Variants in SNAPC4 observed in about 807,000 individuals in gnomAD.
SNAPC4 encodes small nuclear RNA activating complex polypeptide 4, also known as snRNA-activating protein complex subunit 4.
SNAPC4 carries 127 observed loss-of-function variants against 151.3 expected under a neutral mutation model. That is an observed-to-expected ratio of 0.84 (90% confidence interval 0.73 to 0.97). The LOEUF is 0.97. Ranked by LOEUF, SNAPC4 falls within the 50% of genes least tolerant of loss-of-function variation. The pLI is 0.00. For missense variants in SNAPC4, 2,186 were observed against 1,935.0 expected, an observed-to-expected ratio of 1.13 and a Z score of -2.43; for synonymous variants, 1,002 against 824.4, an observed-to-expected ratio of 1.22 and a Z score of -3.69.
rs1427561007 is a variant in SNAPC4, at chr9:136,392,711, C to G, written c.699G>C (p.Lys233Asn). The part of the protein sequence containing the change: ...SSELERQALE[K>N]QGREAEKEIQ... ...TCTCCTTCTCGGCTTCCCTGCCCTG[C>G]TTCTCCAGGGCTTGCCTCTCCAGCT... The change falls in exon 8 of 24, where the codon AAG becomes AAC. Residue 233 changes from lysine to asparagine, a missense_variant. Lys to Asn is a moderately conservative substitution (Grantham distance 94, BLOSUM62 0). Transcript: ENST00000684778. The G allele has an allele frequency of 3.1e-6, 5 of 1,613,770 alleles. No individual in the cohort carries two copies. The South Asian group carries it at 5.5e-5, about 18-fold the overall frequency.
Position 136,378,723 on chromosome 9 carries a change from T to C in SNAPC4, c.3104A>G (p.Gln1035Arg). ...QSQAPAASRK[Q>R]GLPEAPPFLP... ...AAAGGGTGGCGCCTCAGGCAGGCCCTGCTTCCGGGATGCAGCGGGGGCCTG... is the reference window on the plus strand; with the variant it reads ...AAAGGGTGGCGCCTCAGGCAGGCCCCGCTTCCGGGATGCAGCGGGGGCCTG... Residue 1035 changes from glutamine to arginine, a missense_variant, in exon 22 of 24, where the codon CAG becomes CGG. Coordinates refer to ENST00000684778, the MANE Select transcript of SNAPC4 (RefSeq NM_003086.4). 6.6e-7 allele frequency: 1 copy of C among 1,505,678 alleles called. No homozygotes were observed. The highest frequency in any genetic ancestry group is 8.9e-7 in the Non-Finnish European group (1 of 1,127,228). The allele number at this position is 1,505,678 out of a possible 1,614,324, so 93.3% of individuals were successfully genotyped here.
At chr9:136,398,579 C>T (rs989597174) in intron 1 of SNAPC4, 142 bp from the exon 2 acceptor site, 7 of 912,258 alleles carry the variant, frequency 7.7e-6, no homozygotes, top group East Asian at 7.4e-5. Flanking sequence ...GATTAATAGG[C>T]CAGGCACAGA....
rs780520555 is a variant in SNAPC4 at position 136,387,451 on chromosome 9, G to A, written c.1325+34C>T. ...AGTGCACCTGGTCAGTGACCCACAC[G>A]GGCCCCTCCCTCGCTCAGCGCTGTG... On this transcript the variant is annotated intron_variant, in intron 13 of 23. Transcript: ENST00000684778. 38 of 1,464,100 alleles carry A rather than the reference G, an allele frequency of 2.6e-5. No individual in the cohort carries two copies. In the East Asian group the frequency reaches 7.5e-4, roughly 29 times the overall value. 90.7% of individuals were successfully genotyped at this position (1,464,100 alleles called of 1,614,324 possible). A position where few individuals can be genotyped will look rare whatever the true frequency, so the allele number is the denominator to read the frequency against.
chr9:136,395,128 C>CGCAGA (rs1469725201), intron 5 of SNAPC4, among the ~76,000 whole-genome samples, 170 bp downstream of exon 5: 1 of 152,248 alleles, frequency 6.6e-6, no homozygotes, highest in South Asian at 2.1e-4. Flanking sequence ...GGCAGCCCAG[C>CGCAGA]GCAGAGCAGA....
intron 5 of SNAPC4, 110 bp downstream of exon 5, chr9:136,395,188 G>A (rs377622799): frequency 2.1e-6 from 3 of 1,401,708 alleles, no homozygotes; most frequent in Non-Finnish European, 9.8e-7. Flanking sequence ...GTTGGCCAAT[G>A]TTATCTTGAA....
In SNAPC4 at chr9:136,378,958, C is replaced by T. The variant is rs575245185; in HGVS notation, c.2869G>A (p.Ala957Thr). Residue 957 changes from alanine to threonine, a missense_variant, in exon 22 of 24, where the codon GCC becomes ACC. Transcript: ENST00000684778. Reference protein sequence around the residue: ...VLNVPLSGPGAPAAAKPGTSG... With the variant: ...VLNVPLSGPGTPAAAKPGTSG... ...GTGCCAGGTTTGGCTGCCGCGGGGGCCCCAGGCCCAGAGAGCGGTACATTT... is the reference window on the plus strand; with the variant it reads ...GTGCCAGGTTTGGCTGCCGCGGGGGTCCCAGGCCCAGAGAGCGGTACATTT... 2 of 1,608,736 alleles carry T rather than the reference C, an allele frequency of 1.2e-6. No homozygotes were observed. The highest frequency in any genetic ancestry group is 1.7e-6 in the Non-Finnish European group (2 of 1,178,592).
chr9:136,399,793 C>A (rs1354682140), intron 1 of SNAPC4, among the ~76,000 whole-genome samples: 1 of 152,214 alleles, frequency 6.6e-6, no homozygotes, highest in Non-Finnish European at 1.5e-5. Context: ...CTGCTCGCTG[C>A]GTGAACTGGG....
At position 136,379,167 on chromosome 9, in the gene SNAPC4, CG is replaced by C; in HGVS notation, c.2659del (p.Arg887GlyfsTer41). On this transcript the variant is annotated frameshift_variant, in exon 22 of 24. Coordinates refer to ENST00000684778, the MANE Select transcript of SNAPC4 (RefSeq NM_003086.4). LOFTEE classifies it high-confidence loss of function. Reference protein sequence around the residue: ...QASLLASTGPRPKPKTVSELL... With the variant: ...QASLLASTGPXPKPKTVSELL... ...CTCCGACACAGTCTTGGGCTTGGGC[CG>C]GGGGCCGGTTGAAGCCAGCAGGGAC... 1.3e-6 allele frequency: 2 copies of C among 1,590,606 alleles called. No homozygotes were observed. The highest frequency in any genetic ancestry group is 1.1e-5 in the South Asian group (1 of 88,412).
chr9:136,383,088 C>A lies in SNAPC4; in HGVS notation c.1983+98G>T. ...AGTAGCACGTTCTGATGCACACGAA[C>A]CCTGGGGCCCCTGCTGCTGCACTAT... On this transcript the variant is annotated intron_variant, in intron 16 of 23. Coordinates refer to ENST00000684778, the MANE Select transcript of SNAPC4 (RefSeq NM_003086.4). The surrounding 1 kb of genome is among the most constrained non-coding windows in gnomAD (Gnocchi z 4.2). 1 of 1,456,776 alleles carries A rather than the reference C, an allele frequency of 6.9e-7. No individual in the cohort carries two copies. Among genetic ancestry groups the A allele is most frequent in the Non-Finnish European group, 9.0e-7 (1 of 1,108,464 alleles). The allele number at this position is 1,456,776 out of a possible 1,614,324, so 90.2% of individuals were successfully genotyped here. A position where few individuals can be genotyped will look rare whatever the true frequency, so the allele number is the denominator to read the frequency against.
intron 10 of SNAPC4, among the ~76,000 whole-genome samples, chr9:136,390,030 A>G (rs1452878443): frequency 2.6e-5 from 4 of 152,194 alleles, no homozygotes; most frequent in Admixed American, 2.6e-4. Flanking sequence ...TGAATTCCCA[A>G]AAATCACAAG....
intron 9 of SNAPC4, 142 bp from the exon 10 acceptor site, chr9:136,392,248 G>T: frequency 9.7e-7 from 1 of 1,030,516 alleles, no homozygotes. Flanking sequence ...AACTCACTAG[G>T]CCTTGCATAG....
intron 3 of SNAPC4, among the ~76,000 whole-genome samples, chr9:136,396,352 A>G (rs1834273608): frequency 6.6e-6 from 1 of 152,252 alleles, no homozygotes; most frequent in African/African-American, 2.4e-5. Context: ...AAAGTAAACA[A>G]AAGGCAGCTA....
Position 136,391,939 on chromosome 9 carries a change from T to C in SNAPC4, c.975+3A>G. ...GCCCCTGGGGTCCAGGCCAGGCCCT[T>C]ACCCCCAGCTCCTCTGCAATCTTCT... On this transcript the variant is annotated splice_donor_region_variant and intron_variant, in intron 10 of 23. Transcript: ENST00000684778. 6.2e-7 allele frequency: 1 copy of C among 1,601,074 alleles called. No individual in the cohort carries two copies. Among genetic ancestry groups the C allele is most frequent in the Non-Finnish European group, 8.5e-7 (1 of 1,179,766 alleles).
intron 10 of SNAPC4, among the ~76,000 whole-genome samples, chr9:136,390,066 T>C (rs1314965375): frequency 1.3e-5 from 2 of 151,972 alleles, no homozygotes; most frequent in African/African-American, 4.8e-5. Context: ...TACAGTTTCA[T>C]CAAACCAGCA....
intron 7 of SNAPC4, among the ~76,000 whole-genome samples, chr9:136,393,374 G>A (rs1198221049): frequency 2.6e-5 from 4 of 152,250 alleles, no homozygotes; most frequent in African/African-American, 9.6e-5. Flanking sequence ...GCTCATGGTG[G>A]CCCCACAGAA....
chr9:136,396,901 C>T (rs1006115558), intron 3 of SNAPC4, 76 bp downstream of exon 3: 11 of 1,163,148 alleles, frequency 9.5e-6, no homozygotes, highest in East Asian at 9.4e-5. Flanking sequence ...GTTCAAACCA[C>T]GCCCCCTCCC....
In SNAPC4 at chr9:136,377,669, G is replaced by A; in HGVS notation, c.4158C>T (p.Val1386=). Reference sequence around the variant, plus strand: ...TCGAAGGTACTGAGAGGGTGGTGCGGACGCCTTGGGGGGCCAGGGTGGCCA... The same window carrying A: ...TCGAAGGTACTGAGAGGGTGGTGCGAACGCCTTGGGGGGCCAGGGTGGCCA... ...ALLATLAPQG[V]RTTLSVPSRV... is the part of the protein sequence containing the mutation. Residue 1386 remains valine, a synonymous_variant, in exon 22 of 24, where the codon GTC becomes GTT. Transcript: ENST00000684778. 6.2e-7 allele frequency: 1 copy of A among 1,606,804 alleles called. No homozygotes were observed. The highest frequency in any genetic ancestry group is 8.5e-7 in the Non-Finnish European group (1 of 1,176,112).
chr9:136,377,588 G>C lies in SNAPC4; in HGVS notation c.4239C>G (p.Asp1413Glu). The change falls in exon 22 of 24, where the codon GAC becomes GAG. Residue 1413 changes from aspartate (D) to glutamate (E), a missense_variant. Physicochemically the swap from Asp to Glu is conservative, Grantham distance 45. Coordinates refer to ENST00000684778, the MANE Select transcript of SNAPC4 (RefSeq NM_003086.4). ...TCGTGCAGCCCGGCTGCCCGTCCCT[G>C]TCTGCAAGTTCCAGCTCACTCAGGA... The part of the protein sequence containing the change: ...EDLLSELELA[D>E]RDGQPGCTTA... 1 of 1,529,514 alleles carries C rather than the reference G, an allele frequency of 6.5e-7. No homozygotes were observed. Among genetic ancestry groups the C allele is most frequent in the African/African-American group, 1.4e-5 (1 of 72,478 alleles). 94.7% of individuals were successfully genotyped at this position (1,529,514 alleles called of 1,614,324 possible).
chr9:136,376,666 G>A (rs536112625), intron 22 of SNAPC4, among the ~76,000 whole-genome samples, 185 bp from the exon 23 acceptor site: 4 of 152,242 alleles, frequency 2.6e-5, no homozygotes, highest in African/African-American at 7.2e-5. Flanking sequence ...TCCCTCCCTC[G>A]GGGGCTCTGA....
Sources: allele counts gnomAD v4.1 joint callset (sites outside exome capture counted in the v4.1 genomes callset), GRCh38; gene constraint gnomAD v4.1.1; non-coding constraint Gnocchi (gnomAD v3.1); transcripts MANE v1.5; gene names NCBI Gene and HGNC (gene_info 2026-07-23, HGNC 2026-07-21).